Variants in PPEF1 observed in about 807,000 individuals in gnomAD.
The protein encoded by PPEF1 is protein phosphatase with EF-hand domain 1, also known as serine/threonine-protein phosphatase with EF-hands 1.
PPEF1 carries 12 observed loss-of-function variants against 53.3 expected under a neutral mutation model. The ratio of observed to expected loss-of-function variants is 0.23; its 90% CI spans 0.14 to 0.36. The LOEUF (loss-of-function observed/expected upper bound fraction) is 0.36. PPEF1 is among the 10% of genes least tolerant of loss of function. The probability of loss-of-function intolerance (pLI) is 1.00; values close to 1 mark genes in which losing one functional copy is unlikely to be tolerated. For missense variants in PPEF1, 334 were observed against 490.4 expected (o/e 0.68, Z 3.01); for synonymous variants, 165 against 176.7 (o/e 0.93, Z 0.52).
At chrX:18,761,459 G>A (rs969432440) in intron 5 of PPEF1, 71 bp from the exon 6 acceptor site, 6 of 916,654 alleles carry the variant, frequency 6.5e-6, no homozygotes, top group Middle Eastern at 5.3e-4. Context: ...TGGATCAGCA[G>A]TATTTCACTT....
intron 4 of PPEF1, among the ~76,000 whole-genome samples, chrX:18,752,574 A>G (rs866760385): frequency 1.3e-4 from 15 of 111,306 alleles, no homozygotes; most frequent in African/African-American, 4.9e-4. Flanking sequence ...CTTGTTCCTC[A>G]TCGTAGGGGG....
Position 18,749,837 on chromosome X carries a change from G to C in PPEF1, c.281G>C (p.Arg94Thr). Residue 94 changes from arginine (R) to threonine (T), a missense_variant, in exon 4 of 16, where the codon AGA (arginine) becomes ACA (threonine). Arg to Thr is a moderately conservative substitution (Grantham distance 71). Coordinates refer to ENST00000470157, the MANE Select transcript of PPEF1 (RefSeq NM_001377996.1). ...SLESEQDMRD[R>T]WDYVDSIDVP... ...GAAAGCGAACAGGACATGAGGGATA[G>C]ATGGGATTATGTGGACTCGATAGAT... 1 of 1,181,564 alleles carries C rather than the reference G, an allele frequency of 8.5e-7. No individual in the cohort carries two copies. The highest frequency in any genetic ancestry group is 1.8e-5 in the South Asian group (1 of 56,126).
At chrX:18,716,271 G>A (rs918326145) in intron 1 of PPEF1, among the ~76,000 whole-genome samples, 7 of 111,483 alleles carry the variant, frequency 6.3e-5, no homozygotes, top group Non-Finnish European at 9.4e-5. Flanking sequence ...GGTGGCTCAC[G>A]CCTGTAATCC....
chrX:18,735,379 T>C (rs1308502542), intron 3 of PPEF1, among the ~76,000 whole-genome samples: 1 of 112,085 alleles, frequency 8.9e-6, no homozygotes, highest in Non-Finnish European at 1.9e-5. Flanking sequence ...ATTTATTAAA[T>C]AGGGAACCCT....
At chrX:18,715,596 G>A (rs1003671072) in intron 1 of PPEF1, among the ~76,000 whole-genome samples, 1 of 111,687 alleles carries the variant, frequency 9.0e-6, no homozygotes, top group Non-Finnish European at 1.9e-5. Context: ...GTGATATGTA[G>A]CAGGTAAGAG....
At chrX:18,686,522 C>A (rs1042972438) in intron 3 of PPEF1, among the ~76,000 whole-genome samples, 1 of 111,334 alleles carries the variant, frequency 9.0e-6, no homozygotes, top group Admixed American at 9.6e-5. Context: ...GTGCTTGTTC[C>A]TGAAAAGTTG....
chrX:18,713,869 G>T (rs927801637), intron 1 of PPEF1, among the ~76,000 whole-genome samples: 2 of 111,638 alleles, frequency 1.8e-5, no homozygotes, highest in Admixed American at 9.6e-5. Context: ...TGTTATAAAT[G>T]CTTTGCAAAC....
chrX:18,781,465 C>T (rs139695691), intron 7 of PPEF1, among the ~76,000 whole-genome samples: 24 of 111,096 alleles, frequency 2.2e-4, no homozygotes, highest in African/African-American at 7.2e-4. Context: ...AGGAGGAAAA[C>T]CAAGAGAGTT....
intron 1 of PPEF1, among the ~76,000 whole-genome samples, chrX:18,723,264 C>T (rs780601581): frequency 2.7e-5 from 3 of 111,473 alleles, no homozygotes; most frequent in Admixed American, 9.6e-5. Context: ...GGGTTACAGG[C>T]GTGAGCCACC....
intron 6 of PPEF1, among the ~76,000 whole-genome samples, chrX:18,766,099 GA>G (rs1168459182): frequency 9.4e-6 from 1 of 106,110 alleles, no homozygotes; most frequent in Non-Finnish European, 1.9e-5. Context: ...AAAGAAAAAA[GA>G]AAAAAAGAAG....
chrX:18,711,777 G>A (rs1430700624), intron 1 of PPEF1, among the ~76,000 whole-genome samples: 3 of 92,534 alleles, frequency 3.2e-5, no homozygotes, highest in African/African-American at 1.2e-4. Flanking sequence ...TTTTTGAGAC[G>A]GAGTCTTACT....
chrX:18,800,236 T>C (rs1411471091), intron 10 of PPEF1, among the ~76,000 whole-genome samples: 1 of 111,513 alleles, frequency 9.0e-6, no homozygotes, highest in Non-Finnish European at 1.9e-5. Flanking sequence ...TGAATTTATG[T>C]AAATTTCAAT....
intron 1 of PPEF1, among the ~76,000 whole-genome samples, chrX:18,710,014 G>C (rs779454201): frequency 1.8e-5 from 2 of 111,712 alleles, no homozygotes; most frequent in African/African-American, 3.2e-5. Context: ...TTCAGCGATA[G>C]TTGTTATTGT....
chrX:18,719,111 A>G (rs927188651), intron 1 of PPEF1, among the ~76,000 whole-genome samples: 3 of 112,082 alleles, frequency 2.7e-5, no homozygotes, highest in African/African-American at 9.7e-5. Flanking sequence ...TTTATATAGC[A>G]AAATTTCTTT....
intron 13 of PPEF1, among the ~76,000 whole-genome samples, chrX:18,822,225 A>G (rs2047076346): frequency 8.9e-6 from 1 of 111,738 alleles, no homozygotes. Context: ...AGAACCAGAA[A>G]GAAAAGCTTT....
At chrX:18,681,617 G>A (rs780348316), upstream of PPEF1, among the ~76,000 whole-genome samples, 8 of 111,655 alleles carry the variant, frequency 7.2e-5, no homozygotes, top group Non-Finnish European at 1.3e-4. Context: ...TTACTATTGC[G>A]TTATATTAGG....
intron 3 of PPEF1, among the ~76,000 whole-genome samples, chrX:18,744,311 A>T (rs2045275004): frequency 8.9e-6 from 1 of 112,058 alleles, no homozygotes; most frequent in South Asian, 3.7e-4. Flanking sequence ...TACTCTGAAG[A>T]TAAGAGGTGA....
In PPEF1 at chrX:18,827,362, A is replaced by G; in HGVS notation, c.1837A>G (p.Lys613Glu). The change falls in exon 16 of 16, where the codon AAG (lysine) becomes GAG (glutamate). Residue 613 changes from lysine to glutamate, a missense_variant. By Grantham distance (56) the Lys-to-Glu change is moderately conservative (BLOSUM62 1). Coordinates refer to ENST00000470157, the MANE Select transcript of PPEF1 (RefSeq NM_001377996.1). The stretch of plus-strand genomic sequence containing the variant: ...TCACATTGATGATTCCCAAGTCAAT[A>G]AGCTTGCCAACATAATGGACTTGAA... ...NVHIDDSQVN[K>E]LANIMDLNKD... 8.3e-7 allele frequency: 1 copy of G among 1,209,346 alleles called. No individual in the cohort carries two copies. Among genetic ancestry groups the G allele is most frequent in the Non-Finnish European group, 1.1e-6 (1 of 893,059 alleles).
intron 7 of PPEF1, among the ~76,000 whole-genome samples, chrX:18,780,209 A>G (rs1480723606): frequency 1.8e-5 from 2 of 111,935 alleles, no homozygotes; most frequent in South Asian, 3.7e-4. Flanking sequence ...TTCAAGTGTG[A>G]TGAGTTTGTA....
Sources: gnomAD v4.1 joint callset for allele counts (sites outside exome capture counted in the v4.1 genomes callset) on GRCh38, gnomAD v4.1.1 for gene constraint, MANE v1.5 for transcripts, NCBI Gene and HGNC (gene_info 2026-07-23, HGNC 2026-07-21) for gene names.